SATB2: variants seen among roughly 807,000 people sequenced by gnomAD.
The protein encoded by SATB2 is SATB homeobox 2, also known as DNA-binding protein SATB2.
Under a neutral mutation model 73.4 loss-of-function variants are expected in SATB2, and 1 was observed. The ratio of observed to expected loss-of-function variants is 0.01; its 90% CI spans 0.00 to 0.06. The LOEUF is 0.06. SATB2 is among the 10% of genes least tolerant of loss of function. SATB2 has a pLI of 1.00. For missense variants in SATB2, 459 were observed against 945.8 expected (o/e 0.49, Z 6.75); for synonymous variants, 397 against 367.0 (o/e 1.08, Z -0.93).
At chr2:199,371,491 A>T (rs1689445027) in intron 5 of SATB2, among the ~76,000 whole-genome samples, 1 of 152,146 alleles carries the variant, frequency 6.6e-6, no homozygotes, top group Non-Finnish European at 1.5e-5. Flanking sequence ...TTATACTTCA[A>T]CATCACTGAA....
intron 3 of SATB2, among the ~76,000 whole-genome samples, chr2:199,417,139 T>C (rs1691017411): frequency 1.3e-5 from 2 of 151,310 alleles, no homozygotes; most frequent in South Asian, 4.2e-4. Context: ...TTAAATCATA[T>C]AAATATCACC....
At chr2:199,376,502 C>T (rs1387470966) in intron 5 of SATB2, among the ~76,000 whole-genome samples, 2 of 152,118 alleles carry the variant, frequency 1.3e-5, no homozygotes, top group African/African-American at 4.8e-5. Context: ...GGTATAGTGG[C>T]ATGCTAGTGG....
chr2:199,391,217 G>A (rs546758034), intron 3 of SATB2, among the ~76,000 whole-genome samples: 44 of 151,966 alleles, frequency 2.9e-4, no homozygotes, highest in African/African-American at 8.0e-4. Context: ...AGGCCGAGGC[G>A]GGTGGATCAC....
rs75991138 is a variant in SATB2, at chr2:199,322,283, C to T, written c.1542+1520G>A. On this transcript the variant is annotated intron_variant, in intron 9 of 10. Coordinates refer to ENST00000417098, the MANE Select transcript of SATB2 (RefSeq NM_001172509.2). The stretch of plus-strand genomic sequence containing the variant: ...AAATCAATTGTGCAGCTTTTATACT[C>T]ACTGCACATTTACCACATATGTCCT... Among the ~76,000 whole-genome samples, 733 of 152,322 alleles carry T rather than the reference C, an allele frequency of 4.8e-3. 8 individuals are homozygous for T. The highest frequency in any genetic ancestry group is 0.016 in the African/African-American group (680 of 41,570).
chr2:199,283,758 G>C (rs962207454), intron 10 of SATB2, among the ~76,000 whole-genome samples: 5 of 151,946 alleles, frequency 3.3e-5, no homozygotes, highest in Non-Finnish European at 7.4e-5. Context: ...TCATTTAAGA[G>C]CATCTTTGAT....
intron 10 of SATB2, among the ~76,000 whole-genome samples, chr2:199,275,884 T>G (rs1692298555): frequency 3.9e-5 from 6 of 152,166 alleles, no homozygotes; most frequent in Admixed American, 3.9e-4. Context: ...GCTGAGCTTT[T>G]TCTATTATAC....
intron 7 of SATB2, among the ~76,000 whole-genome samples, chr2:199,331,769 A>G (rs1688197984): frequency 6.6e-6 from 1 of 152,196 alleles, no homozygotes; most frequent in South Asian, 2.1e-4. Context: ...AGAGGAGAAA[A>G]AAATCAGAAG....
chr2:199,298,341 T>C (rs1398793192), intron 10 of SATB2, among the ~76,000 whole-genome samples: 2 of 152,214 alleles, frequency 1.3e-5, no homozygotes, highest in Non-Finnish European at 2.9e-5. Flanking sequence ...GAAGGTCCAG[T>C]GGCCTTTCCT....
intron 4 of SATB2, among the ~76,000 whole-genome samples, chr2:199,380,986 C>T (rs1689754733): frequency 6.6e-6 from 1 of 152,118 alleles, no homozygotes; most frequent in Non-Finnish European, 1.5e-5. Context: ...GCTGGGGGTC[C>T]ATATTTAAAG....
At chr2:199,297,877 T>C (rs1687158591) in intron 10 of SATB2, among the ~76,000 whole-genome samples, 1 of 152,142 alleles carries the variant, frequency 6.6e-6, no homozygotes, top group South Asian at 2.1e-4. Context: ...AGGATTTCAT[T>C]CACAGCTGAG....
chr2:199,301,691 T>C (rs13396520), intron 10 of SATB2, among the ~76,000 whole-genome samples: 14 of 152,012 alleles, frequency 9.2e-5, no homozygotes, highest in Non-Finnish European at 1.6e-4. Context: ...AAAGGCATGG[T>C]AAAAAGTCAT....
intron 2 of SATB2, among the ~76,000 whole-genome samples, chr2:199,440,531 T>C (rs559081107): frequency 6.6e-6 from 1 of 151,950 alleles, no homozygotes; most frequent in Non-Finnish European, 1.5e-5. Context: ...AGAAAAAAAA[T>C]TTCACCAATT....
chr2:199,435,600 TC>T lies in SATB2; in HGVS notation c.170-2087del, dbSNP rs553549667. Among the ~76,000 whole-genome samples the T allele has an allele frequency of 2.8e-3, 428 of 152,280 alleles. 1 individual carries two copies. Among genetic ancestry groups the T allele is most frequent in the Non-Finnish European group, 4.9e-3 (330 of 68,026 alleles). Reference sequence around the variant, plus strand: ...CTCAGGTGATCCACCTGCCTTGGCCTCCCAAAGTGCTGGGATTACAGGCATG... The same window carrying T: ...CTCAGGTGATCCACCTGCCTTGGCCTCCAAAGTGCTGGGATTACAGGCATG... On this transcript the variant is annotated intron_variant, in intron 2 of 10. Coordinates refer to ENST00000417098, the MANE Select transcript of SATB2 (RefSeq NM_001172509.2).
chr2:199,336,322 C>G (rs1002012278), intron 7 of SATB2, among the ~76,000 whole-genome samples: 5 of 152,242 alleles, frequency 3.3e-5, no homozygotes, highest in African/African-American at 1.2e-4. Context: ...CCTCAAGTAC[C>G]TGGCACTATG....
intron 10 of SATB2, among the ~76,000 whole-genome samples, chr2:199,306,389 A>C (rs969086786): frequency 6.6e-6 from 1 of 152,224 alleles, no homozygotes; most frequent in African/African-American, 2.4e-5. Context: ...TGAGTTTCAC[A>C]GTAGTTATGG....
At chr2:199,456,824 A>G (rs1197141307) in intron 1 of SATB2, among the ~76,000 whole-genome samples, 1 of 152,234 alleles carries the variant, frequency 6.6e-6, no homozygotes, top group Non-Finnish European at 1.5e-5. Flanking sequence ...TATAAAACAC[A>G]AAAGCAAAAA....
intron 9 of SATB2, among the ~76,000 whole-genome samples, chr2:199,310,072 C>G (rs1687553025): frequency 6.6e-6 from 1 of 152,226 alleles, no homozygotes; most frequent in Admixed American, 6.5e-5. Context: ...GCAACACCAG[C>G]TGTTCTCATT....
chr2:199,306,254 C>T (rs1574489807), intron 10 of SATB2, among the ~76,000 whole-genome samples: 1 of 152,114 alleles, frequency 6.6e-6, no homozygotes, highest in Non-Finnish European at 1.5e-5. Context: ...TTTTTCTTCA[C>T]TTTTCATATT....
At chr2:199,430,598 A>G (rs573697505) in intron 3 of SATB2, among the ~76,000 whole-genome samples, 1 of 152,320 alleles carries the variant, frequency 6.6e-6, no homozygotes, top group East Asian at 1.9e-4. Flanking sequence ...CTAGCCTTCA[A>G]ATAAAGGTTA....
Sources: allele counts gnomAD v4.1 joint callset (sites outside exome capture counted in the v4.1 genomes callset), GRCh38; gene constraint gnomAD v4.1.1; transcripts MANE v1.5; gene names NCBI Gene and HGNC (gene_info 2026-07-23, HGNC 2026-07-21).